NOB1: variants seen among roughly 807,000 people sequenced by gnomAD.
The protein encoded by NOB1 is RNA-binding protein NOB1.
In NOB1, 44 loss-of-function variants were observed where a neutral mutation model predicts 44.8. That is an observed-to-expected ratio of 0.98 (90% confidence interval 0.77 to 1.26). The LOEUF (loss-of-function observed/expected upper bound fraction) is 1.26. Among genes scored for constraint, NOB1 ranks in the 50% most tolerant of loss-of-function variants. NOB1 has a pLI of 0.00. For synonymous variants in NOB1, 238 were observed against 218.7 expected (o/e 1.09, Z -0.78); for missense variants, 560 against 544.8 (o/e 1.03, Z -0.28).
intron 7 of NOB1, among the ~76,000 whole-genome samples, 165 bp from the exon 8 acceptor site, chr16:69,745,182 G>A (rs2038420033): frequency 6.6e-6 from 1 of 152,220 alleles, no homozygotes. Context: ...GCAAAGGGCT[G>A]CCGCATCCCT....
In NOB1 at chr16:69,742,449, G is replaced by A. The variant is rs776621165; in HGVS notation, c.1122C>T (p.Val374=). 4.0e-5 allele frequency: 64 copies of A among 1,614,094 alleles called. No individual in the cohort carries two copies. Among genetic ancestry groups the A allele is most frequent in the Non-Finnish European group, 4.7e-5 (55 of 1,180,054 alleles). ...CTGAGCGGCTGGAGATGTCATTCTC[G>A]ACAAAGGGTGACACCCCGGCGATGT... ...PDYIAGVSPF[V]ENDISSRSAT... is the part of the protein sequence containing the mutation. The change falls in exon 9 of 9, where the codon GTC becomes GTT. Residue 374 remains valine (V), a synonymous_variant. Coordinates refer to ENST00000268802, the MANE Select transcript of NOB1 (RefSeq NM_014062.3).
intron 7 of NOB1, among the ~76,000 whole-genome samples, chr16:69,745,940 T>A (rs1374772083): frequency 6.6e-6 from 1 of 152,244 alleles, no homozygotes; most frequent in African/African-American, 2.4e-5. Flanking sequence ...GAATTGAGTG[T>A]TAATCTGGTG....
chr16:69,754,558 C>T (rs772102361), intron 2 of NOB1, 36 bp downstream of exon 2: 3 of 1,610,548 alleles, frequency 1.9e-6, no homozygotes, highest in Non-Finnish European at 2.5e-6. Flanking sequence ...GCCCTGGACC[C>T]CAGCTTCCCG....
At chr16:69,751,531 C>T (rs2038482692) in intron 3 of NOB1, among the ~76,000 whole-genome samples, 2 of 151,920 alleles carry the variant, frequency 1.3e-5, no homozygotes, top group South Asian at 4.2e-4. Flanking sequence ...GACTGAGACA[C>T]ACTTGCCAAT....
intron 3 of NOB1, 94 bp from the exon 4 acceptor site, chr16:69,749,724 T>G: frequency 1.1e-6 from 1 of 920,822 alleles, no homozygotes; most frequent in Non-Finnish European, 1.6e-6. Context: ...ATGCCTGTAA[T>G]CCCAGCACTT....
intron 7 of NOB1, among the ~76,000 whole-genome samples, chr16:69,745,910 A>C (rs1283291699): frequency 6.6e-6 from 1 of 152,278 alleles, no homozygotes; most frequent in Non-Finnish European, 1.5e-5. Flanking sequence ...AAGCATGAAG[A>C]ACATTCCAAG....
At chr16:69,744,679 C>T (rs1330223514) in intron 8 of NOB1, among the ~76,000 whole-genome samples, 194 bp downstream of exon 8, 1 of 152,224 alleles carries the variant, frequency 6.6e-6, no homozygotes, top group African/African-American at 2.4e-5. Flanking sequence ...TAGCCTTTCA[C>T]AACTACTGCC....
chr16:69,747,257 T>C (rs1376941707), intron 7 of NOB1, among the ~76,000 whole-genome samples: 1 of 146,180 alleles, frequency 6.8e-6, no homozygotes, highest in Non-Finnish European at 1.5e-5. Flanking sequence ...AAAAAGAATC[T>C]GATAGGCAGA....
chr16:69,744,800 C>T, intron 8 of NOB1, 73 bp downstream of exon 8: 2 of 1,530,016 alleles, frequency 1.3e-6, no homozygotes, highest in Non-Finnish European at 1.8e-6. Context: ...AACGACTAGA[C>T]TAGGTTTTCT....
intron 7 of NOB1, among the ~76,000 whole-genome samples, chr16:69,746,244 T>C (rs997261066): frequency 1.3e-5 from 2 of 152,162 alleles, no homozygotes; most frequent in Admixed American, 1.3e-4. Context: ...TTCAGAAAGT[T>C]CCTCATCGGC....
chr16:69,744,455 C>T (rs975537373), intron 8 of NOB1, among the ~76,000 whole-genome samples: 2 of 152,212 alleles, frequency 1.3e-5, no homozygotes, highest in Non-Finnish European at 2.9e-5. Flanking sequence ...GAAGCCAGTG[C>T]CACTCATTCG....
intron 7 of NOB1, among the ~76,000 whole-genome samples, chr16:69,746,543 T>C (rs981815714): frequency 5.3e-5 from 8 of 152,236 alleles, no homozygotes; most frequent in African/African-American, 1.4e-4. Context: ...TGCTTATGTA[T>C]TGGATACCAC....
chr16:69,745,026 C>T lies in NOB1; in HGVS notation c.825-9G>A. On this transcript the variant is annotated splice_polypyrimidine_tract_variant and intron_variant, in intron 7 of 8. Coordinates refer to ENST00000268802, the MANE Select transcript of NOB1 (RefSeq NM_014062.3). ...TCATGTCAGACGTTGTCCTGGGAGA[C>T]ACAAAAGGAGATGATCTGTACCAAA... 6.2e-7 allele frequency: 1 copy of T among 1,613,884 alleles called. No individual in the cohort carries two copies. Among genetic ancestry groups the T allele is most frequent in the Non-Finnish European group, 8.5e-7 (1 of 1,179,868 alleles).
At chr16:69,751,327 A>T (rs907813257) in intron 3 of NOB1, among the ~76,000 whole-genome samples, 6 of 151,422 alleles carry the variant, frequency 4.0e-5, no homozygotes, top group Non-Finnish European at 8.8e-5. Flanking sequence ...TCTTTTTTTT[A>T]AAAAAATTAT....
In NOB1 at chr16:69,742,352, T is replaced by G. The variant is rs771407166; in HGVS notation, c.1219A>C (p.Lys407Gln). 44 of 1,611,310 alleles carry G rather than the reference T, an allele frequency of 2.7e-5. No homozygotes were observed. Among genetic ancestry groups the G allele is most frequent in the Non-Finnish European group, 3.5e-5 (41 of 1,177,914 alleles). The part of the protein sequence containing the change: ...RRLNPNASRK[K>Q]FVKKR ...GCTCTTCACCTTTTCTTCACAAACT[T>G]CTTTCTGGAAGCGTTGGGATTTAAG... Residue 407 changes from lysine to glutamine, a missense_variant, in exon 9 of 9, where the codon AAG (lysine) becomes CAG (glutamine). By Grantham distance (53) the Lys-to-Gln change is moderately conservative. Transcript: ENST00000268802.
intron 3 of NOB1, among the ~76,000 whole-genome samples, chr16:69,750,932 G>GA (rs1376439621): frequency 3.9e-5 from 6 of 152,184 alleles, no homozygotes; most frequent in Admixed American, 2.0e-4. Flanking sequence ...CTCTGGCTTA[G>GA]AAATAGACAA....
At chr16:69,754,476 G>A (rs2038507819) in intron 2 of NOB1, 118 bp downstream of exon 2, 1 of 1,373,132 alleles carries the variant, frequency 7.3e-7, no homozygotes, top group Admixed American at 2.0e-5. Flanking sequence ...CTCCTAGAAA[G>A]TGCTGGCTCT....
At chr16:69,743,024 G>T (rs989865813) in intron 8 of NOB1, among the ~76,000 whole-genome samples, 4 of 152,104 alleles carry the variant, frequency 2.6e-5, no homozygotes, top group Non-Finnish European at 5.9e-5. Flanking sequence ...GAGAAATGGC[G>T]GATTCTGGGG....
chr16:69,750,453 C>T lies in NOB1; in HGVS notation c.328-823G>A, dbSNP rs982330757. On this transcript the variant is annotated intron_variant, in intron 3 of 8. Transcript: ENST00000268802. ...GACCAGCCTGGACAAAAGTGACACC[C>T]TGTCTCTATAAAAAAATTTTAAAAT... Among the ~76,000 whole-genome samples, 8 of 152,208 alleles carry T rather than the reference C, an allele frequency of 5.3e-5. No homozygotes were observed. In the South Asian group the frequency reaches 8.3e-4, roughly 16 times the overall value.
Sources: allele counts gnomAD v4.1 joint callset (sites outside exome capture counted in the v4.1 genomes callset), GRCh38; gene constraint gnomAD v4.1.1; transcripts MANE v1.5; gene names NCBI Gene and HGNC (gene_info 2026-07-23, HGNC 2026-07-21).